The following GULP1 variants were observed in gnomAD, a reference collection of about 807,000 sequenced individuals.
GULP1 encodes GULP PTB domain containing engulfment adaptor 1, also known as PTB domain-containing engulfment adapter protein 1.
Under a neutral mutation model 40.9 loss-of-function variants are expected in GULP1, and 19 were observed. The ratio of observed to expected loss-of-function variants is 0.46; its 90% CI spans 0.32 to 0.68. The LOEUF (loss-of-function observed/expected upper bound fraction) is 0.68, where lower values mean the gene tolerates loss of function less well. Ranked by LOEUF, GULP1 falls within the 30% of genes least tolerant of loss-of-function variation. GULP1 has a pLI of 0.03. For synonymous variants in GULP1, 119 were observed against 117.6 expected (o/e 1.01, Z -0.08); for missense variants, 312 against 362.2 (o/e 0.86, Z 1.12).
chr2:188,374,792 G>A (rs1354273074), intron 1 of GULP1, among the ~76,000 whole-genome samples: 2 of 151,988 alleles, frequency 1.3e-5, no homozygotes, highest in Non-Finnish European at 2.9e-5. Context: ...GAAATTCAGG[G>A]TGCTATTACC....
At chr2:188,350,017 A>G (rs774811216) in intron 1 of GULP1, among the ~76,000 whole-genome samples, 28 of 152,144 alleles carry the variant, frequency 1.8e-4, no homozygotes, top group Non-Finnish European at 3.7e-4. Context: ...TCAATTGGCT[A>G]TACATATAAG....
intron 2 of GULP1, among the ~76,000 whole-genome samples, chr2:188,418,195 A>G (rs532575651): frequency 1.3e-5 from 2 of 152,302 alleles, no homozygotes; most frequent in East Asian, 3.9e-4. Flanking sequence ...TTTAGTAGAG[A>G]AACACATTAT....
At chr2:188,463,368 A>T (rs535250918) in intron 2 of GULP1, among the ~76,000 whole-genome samples, 1 of 152,278 alleles carries the variant, frequency 6.6e-6, no homozygotes, top group East Asian at 1.9e-4. Context: ...TTCCCACTGA[A>T]AAGTCTACTG....
chr2:188,529,369 G>A (rs1237291706), intron 6 of GULP1, among the ~76,000 whole-genome samples, 174 bp downstream of exon 6: 1 of 152,088 alleles, frequency 6.6e-6, no homozygotes, highest in African/African-American at 2.4e-5. Context: ...TGCATTATAA[G>A]TGATCTTTTC....
At chr2:188,427,722 G>A (rs2056388547) in intron 2 of GULP1, among the ~76,000 whole-genome samples, 1 of 152,254 alleles carries the variant, frequency 6.6e-6, no homozygotes, top group South Asian at 2.1e-4. Context: ...AAGACTGGAT[G>A]TACAGGCAGA....
chr2:188,360,993 C>T (rs897536089), intron 1 of GULP1, among the ~76,000 whole-genome samples: 1 of 151,938 alleles, frequency 6.6e-6, no homozygotes, highest in Non-Finnish European at 1.5e-5. Flanking sequence ...TAATTATTTT[C>T]CCCAATAAAT....
intron 1 of GULP1, among the ~76,000 whole-genome samples, chr2:188,352,649 C>CACACACACACACACACACACAT (rs374718200): frequency 0.016 from 2,332 of 145,372 alleles, 36 homozygotes; most frequent in Non-Finnish European, 0.025. Flanking sequence ...CACACACACA[C>CACACACACACACACACACACAT]GGTTCTGTTT....
At chr2:188,307,785 G>T (rs534641717) in intron 1 of GULP1, among the ~76,000 whole-genome samples, 3 of 152,274 alleles carry the variant, frequency 2.0e-5, no homozygotes, top group East Asian at 3.9e-4. Flanking sequence ...ATTGATTTAG[G>T]TGTATTTACT....
intron 4 of GULP1, among the ~76,000 whole-genome samples, chr2:188,514,459 A>G (rs1315467089): frequency 1.3e-5 from 2 of 152,180 alleles, no homozygotes; most frequent in African/African-American, 4.8e-5. Context: ...CAGAAAAAAT[A>G]AATAAATAAA....
chr2:188,447,798 G>A (rs1213216346), intron 2 of GULP1, among the ~76,000 whole-genome samples: 1 of 152,164 alleles, frequency 6.6e-6, no homozygotes, highest in East Asian at 1.9e-4. Flanking sequence ...AGGAATTTCA[G>A]CTACTCTGTG....
At chr2:188,317,120 A>G (rs937644176) in intron 1 of GULP1, among the ~76,000 whole-genome samples, 2 of 152,116 alleles carry the variant, frequency 1.3e-5, no homozygotes, top group Non-Finnish European at 1.5e-5. Flanking sequence ...AAAACAAGCC[A>G]AACTCTCCCC....
At chr2:188,593,818 A>G in intron 11 of GULP1, 122 bp from the exon 12 acceptor site, 1 of 621,850 alleles carries the variant, frequency 1.6e-6, no homozygotes, top group Admixed American at 2.7e-5. Flanking sequence ...CATTTGACAT[A>G]TAGTTATTTA....
At chr2:188,387,639 C>T (rs544128629) in intron 2 of GULP1, among the ~76,000 whole-genome samples, 2 of 152,240 alleles carry the variant, frequency 1.3e-5, no homozygotes, top group East Asian at 1.9e-4. Context: ...GAGAGGAACA[C>T]TGACAGGCAA....
At chr2:188,404,288 A>G (rs1347917183) in intron 2 of GULP1, among the ~76,000 whole-genome samples, 1 of 152,176 alleles carries the variant, frequency 6.6e-6, no homozygotes, top group African/African-American at 2.4e-5. Flanking sequence ...ACAACTATCC[A>G]TGCATGCAAA....
intron 2 of GULP1, among the ~76,000 whole-genome samples, chr2:188,394,696 T>C (rs1035726291): frequency 6.6e-6 from 1 of 152,234 alleles, no homozygotes; most frequent in Non-Finnish European, 1.5e-5. Flanking sequence ...TTGATTTGAC[T>C]TTTTAAAAAA....
At chr2:188,350,790 A>G (rs1191177769) in intron 1 of GULP1, among the ~76,000 whole-genome samples, 1 of 152,298 alleles carries the variant, frequency 6.6e-6, no homozygotes, top group East Asian at 1.9e-4. Context: ...ACACCAGTAG[A>G]TGAACCTGGA....
chr2:188,299,539 CTG>C (rs1480139064), intron 1 of GULP1, among the ~76,000 whole-genome samples: 5 of 152,304 alleles, frequency 3.3e-5, no homozygotes, highest in African/African-American at 7.2e-5. Context: ...GGAAATATAA[CTG>C]TGTTTAAACT....
chr2:188,454,507 A>G (rs2059098605), intron 2 of GULP1, among the ~76,000 whole-genome samples: 2 of 152,176 alleles, frequency 1.3e-5, no homozygotes, highest in South Asian at 2.1e-4. Flanking sequence ...CAGGTTCTCA[A>G]TCTGGTCCAA....
chr2:188,501,517 T>C (rs1214753668), intron 4 of GULP1, among the ~76,000 whole-genome samples: 3 of 151,866 alleles, frequency 2.0e-5, no homozygotes, highest in African/African-American at 4.8e-5. Context: ...AGTTTGTTAT[T>C]AGCGTAGTGT....
Sources: gnomAD v4.1 joint callset for allele counts (sites outside exome capture counted in the v4.1 genomes callset) on GRCh38, gnomAD v4.1.1 for gene constraint, MANE v1.5 for transcripts, NCBI Gene and HGNC (gene_info 2026-07-23, HGNC 2026-07-21) for gene names.